Variants in TPRG1 observed in about 807,000 individuals in gnomAD.
TPRG1 encodes tumor protein p63-regulated gene 1 protein.
Under a neutral mutation model 29.3 loss-of-function variants are expected in TPRG1, and 29 were observed. The ratio of observed to expected loss-of-function variants is 0.99; its 90% CI spans 0.74 to 1.35. TPRG1 has a LOEUF of 1.35. Among genes scored for constraint, TPRG1 ranks in the 40% most tolerant of loss-of-function variants. The pLI, the probability that TPRG1 is intolerant of heterozygous loss-of-function variation, is 0.00. For missense variants in TPRG1, 327 were observed against 335.0 expected (o/e 0.98, Z 0.19); for synonymous variants, 130 against 116.8 (o/e 1.11, Z -0.73).
upstream of TPRG1, among the ~76,000 whole-genome samples, chr3:189,170,495 A>G (rs1041136443): frequency 1.3e-5 from 2 of 152,156 alleles, no homozygotes; most frequent in Non-Finnish European, 2.9e-5. Context: ...CCTCTGGATT[A>G]CCATAGTACT....
chr3:189,261,526 T>C (rs1309643728), intron 4 of TPRG1, among the ~76,000 whole-genome samples: 1 of 152,200 alleles, frequency 6.6e-6, no homozygotes, highest in Non-Finnish European at 1.5e-5. Context: ...AGTAATTTGA[T>C]TACATTCAGA....
At chr3:189,222,967 C>A (rs1313767195) in intron 3 of TPRG1, among the ~76,000 whole-genome samples, 1 of 152,178 alleles carries the variant, frequency 6.6e-6, no homozygotes, top group East Asian at 1.9e-4. Context: ...TAGAGCCTTT[C>A]CATATTGATT....
At chr3:189,184,692 C>T (rs569372427) in intron 1 of TPRG1, among the ~76,000 whole-genome samples, 27 of 152,176 alleles carry the variant, frequency 1.8e-4, no homozygotes, top group Admixed American at 2.6e-4. Flanking sequence ...AAAATCTTCC[C>T]GTACCGTCAT....
intron 2 of TPRG1, among the ~76,000 whole-genome samples, chr3:189,003,512 C>T (rs1301734857): frequency 6.6e-6 from 1 of 152,160 alleles, no homozygotes; most frequent in Non-Finnish European, 1.5e-5. Flanking sequence ...AATCTCTCCT[C>T]TTTGAGACTG....
chr3:189,017,139 C>T lies in TPRG1; in HGVS notation c.-659-6611C>T, dbSNP rs946724739. On this transcript the variant is annotated intron_variant, in intron 3 of 10. Transcript: ENST00000433971. ...CTTGGACATTTTGTTCATGCCTTTT[C>T]ATTTTTTTTTTCTAATCTTGTCTGC... Among the ~76,000 whole-genome samples the T allele has an allele frequency of 2.7e-5, 4 of 150,608 alleles. No homozygotes were observed. The East Asian group carries it at 5.8e-4, about 22-fold the overall frequency.
rs10513831 is a variant in TPRG1, at chr3:189,207,298, A to G, written c.-9-78A>G. On this transcript the variant is annotated intron_variant, in intron 1 of 5. Coordinates refer to ENST00000345063, the MANE Select transcript of TPRG1 (RefSeq NM_198485.4). ...GTTTCAGGAATTCCGTTTGCTCATC[A>G]TATTCTGTTTTGCCATAGCTAGGAC... The G allele has an allele frequency of 4.2e-3, 6,473 of 1,540,276 alleles. 210 individuals carry two copies. In the African/African-American group the frequency reaches 0.073, roughly 17 times the overall value.
At chr3:189,174,861 A>G (rs763627248) in intron 1 of TPRG1, among the ~76,000 whole-genome samples, 93 of 152,210 alleles carry the variant, frequency 6.1e-4, no homozygotes, top group Non-Finnish European at 1.2e-3. Flanking sequence ...TCAATCGATC[A>G]ATGGCATAAA....
intron 3 of TPRG1, among the ~76,000 whole-genome samples, chr3:189,218,639 G>C (rs1230043006): frequency 6.6e-6 from 1 of 152,174 alleles, no homozygotes; most frequent in Admixed American, 6.5e-5. Context: ...GTGAACTTAC[G>C]TTAGCTTCAC....
intron 3 of TPRG1, among the ~76,000 whole-genome samples, chr3:189,230,905 A>G (rs1347722841): frequency 6.6e-6 from 1 of 152,152 alleles, no homozygotes; most frequent in Non-Finnish European, 1.5e-5. Context: ...TCAGCTATTA[A>G]TATCATCCTG....
chr3:189,311,715 A>G (rs1403992920), intron 5 of TPRG1, among the ~76,000 whole-genome samples: 1 of 152,128 alleles, frequency 6.6e-6, no homozygotes, highest in Non-Finnish European at 1.5e-5. Flanking sequence ...TGTTATTGAC[A>G]CTAAACTAGC....
chr3:189,304,716 G>A (rs915380008), intron 4 of TPRG1, among the ~76,000 whole-genome samples: 2 of 152,172 alleles, frequency 1.3e-5, no homozygotes, highest in African/African-American at 4.8e-5. Context: ...CCTCCAGGGT[G>A]CCAACTCTGT....
intron 1 of TPRG1, among the ~76,000 whole-genome samples, chr3:189,112,598 A>G (rs1720668006): frequency 1.3e-5 from 2 of 152,200 alleles, no homozygotes; most frequent in African/African-American, 4.8e-5. Flanking sequence ...ACATGTGGCT[A>G]GCCAGTTTTC....
chr3:189,115,986 C>T (rs1197310440), intron 1 of TPRG1, among the ~76,000 whole-genome samples: 1 of 152,110 alleles, frequency 6.6e-6, no homozygotes, highest in Non-Finnish European at 1.5e-5. Context: ...CAGAACATAA[C>T]CACTGTTGGC....
At chr3:189,088,007 A>G (rs1189055797) in intron 4 of TPRG1, among the ~76,000 whole-genome samples, 1 of 144,084 alleles carries the variant, frequency 6.9e-6, no homozygotes, top group East Asian at 1.9e-4. Flanking sequence ...TTGGTTCCAT[A>G]TGAACTTTAA....
chr3:189,008,123 G>A (rs530265651), intron 3 of TPRG1, among the ~76,000 whole-genome samples: 12 of 151,796 alleles, frequency 7.9e-5, no homozygotes, highest in African/African-American at 2.9e-4. Flanking sequence ...ACTTTAAATG[G>A]AGACAGCAGG....
intron 3 of TPRG1, among the ~76,000 whole-genome samples, chr3:189,005,242 C>T (rs1345982432): frequency 1.3e-5 from 2 of 152,128 alleles, no homozygotes; most frequent in African/African-American, 4.8e-5. Context: ...GCTGCTTGAA[C>T]TCATAGAAAA....
intron 3 of TPRG1, among the ~76,000 whole-genome samples, chr3:189,231,755 G>A (rs757116207): frequency 8.5e-5 from 13 of 152,152 alleles, no homozygotes; most frequent in Non-Finnish European, 1.6e-4. Flanking sequence ...CAGGAATCTT[G>A]TGCTCATCTG....
At chr3:189,171,366 C>A (rs1728790976), upstream of TPRG1, among the ~76,000 whole-genome samples, 1 of 152,206 alleles carries the variant, frequency 6.6e-6, no homozygotes, top group African/African-American at 2.4e-5. Context: ...AATGGATCAT[C>A]ATTAATTCAA....
At chr3:189,025,778 T>C (rs968411584) in intron 4 of TPRG1, among the ~76,000 whole-genome samples, 5 of 152,230 alleles carry the variant, frequency 3.3e-5, no homozygotes, top group African/African-American at 1.2e-4. Context: ...GAATGTTGTC[T>C]TTTGAGTATC....
Sources: allele counts gnomAD v4.1 joint callset (sites outside exome capture counted in the v4.1 genomes callset), GRCh38; gene constraint gnomAD v4.1.1; transcripts MANE v1.5; gene names NCBI Gene and HGNC (gene_info 2026-07-23, HGNC 2026-07-21).